TRAT1: variants seen among roughly 807,000 people sequenced by gnomAD.
The protein encoded by TRAT1 is T-cell receptor-associated transmembrane adapter 1.
A neutral mutation model predicts 20.0 loss-of-function variants in TRAT1; 20 were observed. The ratio of observed to expected loss-of-function variants is 1.00; its 90% CI spans 0.70 to 1.45. TRAT1 has a LOEUF of 1.45. TRAT1 is among the 40% of genes most tolerant of loss of function. TRAT1 has a pLI of 0.00. For missense variants in TRAT1, 237 were observed against 224.1 expected (o/e 1.06, Z -0.37); for synonymous variants, 77 against 74.2 (o/e 1.04, Z -0.20).
At chr3:108,827,329 A>T (rs1325256531) in intron 1 of TRAT1, among the ~76,000 whole-genome samples, 1 of 151,988 alleles carries the variant, frequency 6.6e-6, no homozygotes, top group Non-Finnish European at 1.5e-5. Context: ...ATATGGAGAT[A>T]TTTATACTGC....
At chr3:108,826,786 T>C (rs1992862) in intron 1 of TRAT1, among the ~76,000 whole-genome samples, 2 of 152,216 alleles carry the variant, frequency 1.3e-5, no homozygotes, top group African/African-American at 2.4e-5. Context: ...TATAAACTCA[T>C]ACACTTGTCT....
At chr3:108,837,968 G>A (rs1945854387) in intron 2 of TRAT1, among the ~76,000 whole-genome samples, 1 of 152,056 alleles carries the variant, frequency 6.6e-6, no homozygotes, top group South Asian at 2.1e-4. Context: ...ATTTGACCTA[G>A]AAGTAAAAAT....
At chr3:108,825,719 A>T (rs189287141) in intron 1 of TRAT1, among the ~76,000 whole-genome samples, 20 of 152,272 alleles carry the variant, frequency 1.3e-4, no homozygotes, top group Admixed American at 1.2e-3. Flanking sequence ...ATTATTCGGC[A>T]CTTTCCCAGA....
chr3:108,826,762 A>T (rs1447705), intron 1 of TRAT1, among the ~76,000 whole-genome samples: 4,245 of 152,278 alleles, frequency 0.028, 194 homozygotes, highest in African/African-American at 0.096. Flanking sequence ...GAGAAGCTAT[A>T]TGCTGTAATA....
At chr3:108,847,635 T>C (rs1481448980) in intron 4 of TRAT1, among the ~76,000 whole-genome samples, 2 of 152,252 alleles carry the variant, frequency 1.3e-5, no homozygotes, top group Admixed American at 6.5e-5. Context: ...ATATTTATTT[T>C]GTTCTTATGT....
At chr3:108,834,289 A>G (rs995555553) in intron 2 of TRAT1, among the ~76,000 whole-genome samples, 2 of 152,144 alleles carry the variant, frequency 1.3e-5, no homozygotes, top group Non-Finnish European at 2.9e-5. Context: ...CTTGCATTTT[A>G]TTGGTGTGCA....
At chr3:108,846,127 G>A (rs1463665910) in intron 3 of TRAT1, among the ~76,000 whole-genome samples, 4 of 152,172 alleles carry the variant, frequency 2.6e-5, no homozygotes, top group Non-Finnish European at 4.4e-5. Flanking sequence ...TGTGGACTGA[G>A]CACGGGGCTT....
rs918071398 is a variant in TRAT1, at chr3:108,854,935, G to A, written c.*1058G>A. The A allele has an allele frequency of 2.6e-5, 4 of 151,862 alleles. No individual in the cohort carries two copies. The highest frequency in any genetic ancestry group is 1.9e-4 in the East Asian group (1 of 5,194). 9.4% of individuals were successfully genotyped at this position (151,862 alleles called of 1,614,324 possible). On this transcript the variant is annotated 3_prime_UTR_variant, in exon 6 of 6. Coordinates refer to ENST00000295756, the MANE Select transcript of TRAT1 (RefSeq NM_016388.4). ...GTCTCTGTCCTTAAGTGTGATACAC[G>A]CTATTTTTCTGATTGTTAAGACTTT...
At chr3:108,841,927 G>A (rs570896664) in intron 3 of TRAT1, among the ~76,000 whole-genome samples, 62 of 152,290 alleles carry the variant, frequency 4.1e-4, no homozygotes, top group African/African-American at 1.4e-3. Context: ...TAGTGGATTC[G>A]TAGTCTTGGG....
At position 108,847,134 on chromosome 3, in the gene TRAT1, G is replaced by A; in HGVS notation, c.214+5G>A. ...ACTTAGATGATATGATTTCAGGTAA[G>A]TTTTCCATAAGTTAAATTTATAAAT... On this transcript the variant is annotated splice_donor_5th_base_variant and intron_variant, in intron 4 of 5. Transcript: ENST00000295756. 5.3e-6 allele frequency: 8 copies of A among 1,506,570 alleles called. No individual in the cohort carries two copies. The highest frequency in any genetic ancestry group is 7.3e-6 in the Non-Finnish European group (8 of 1,097,296). The allele number at this position is 1,506,570 out of a possible 1,614,324, so 93.3% of individuals were successfully genotyped here.
intron 3 of TRAT1, among the ~76,000 whole-genome samples, chr3:108,841,515 G>A (rs1190347338): frequency 6.6e-6 from 1 of 152,014 alleles, no homozygotes; most frequent in Non-Finnish European, 1.5e-5. Context: ...GGTGGGGCTT[G>A]CGTTACTGAT....
intron 1 of TRAT1, among the ~76,000 whole-genome samples, chr3:108,829,519 G>A (rs1289143674): frequency 6.6e-6 from 1 of 151,718 alleles, no homozygotes; most frequent in Non-Finnish European, 1.5e-5. Context: ...GGGAGGTGGA[G>A]GTTGTAGTGA....
chr3:108,847,169 C>A, intron 4 of TRAT1, 40 bp downstream of exon 4: 1 of 1,263,800 alleles, frequency 7.9e-7, no homozygotes, highest in Middle Eastern at 1.9e-4. Flanking sequence ...TAAGTAAATC[C>A]CAGTTGGTTT....
At chr3:108,836,086 AT>A (rs1380594427) in intron 2 of TRAT1, among the ~76,000 whole-genome samples, 1 of 151,716 alleles carries the variant, frequency 6.6e-6, no homozygotes, top group South Asian at 2.1e-4. Flanking sequence ...TGCCCAGCTA[AT>A]TTTTTGTATT....
Position 108,850,863 on chromosome 3 carries a change from T to C in TRAT1, c.303+1609T>C, listed in dbSNP as rs757927423. 5.3e-4 allele frequency among the ~76,000 whole-genome samples: 81 copies of C among 152,338 alleles called. 1 individual carries two copies. Among genetic ancestry groups the C allele is most frequent in the African/African-American group, 1.8e-3 (76 of 41,584 alleles). On this transcript the variant is annotated intron_variant, in intron 5 of 5. Coordinates refer to ENST00000295756, the MANE Select transcript of TRAT1 (RefSeq NM_016388.4). ...ACTGAGAATTCTGAATAGAAGTTACTATTTAATACACATGACTTGTACAGG... is the reference window on the plus strand; with the variant it reads ...ACTGAGAATTCTGAATAGAAGTTACCATTTAATACACATGACTTGTACAGG...
Position 108,847,061 on chromosome 3 carries a change from G to C in TRAT1, c.153-7G>C, listed in dbSNP as rs1414929841. ...CTAATAAGGTAAATTATTTTTCCTT[G>C]TTATAGGGTTGATGAGTATTATATT... On this transcript the variant is annotated splice_region_variant and splice_polypyrimidine_tract_variant and intron_variant, in intron 3 of 5. Coordinates refer to ENST00000295756, the MANE Select transcript of TRAT1 (RefSeq NM_016388.4). 6.8e-7 allele frequency: 1 copy of C among 1,466,336 alleles called. No homozygotes were observed. The highest frequency in any genetic ancestry group is 1.4e-5 in the African/African-American group (1 of 71,354). The allele number at this position is 1,466,336 out of a possible 1,614,324, so 90.8% of individuals were successfully genotyped here.
intron 3 of TRAT1, among the ~76,000 whole-genome samples, chr3:108,839,681 A>T (rs1164872466): frequency 6.6e-6 from 1 of 151,890 alleles, no homozygotes; most frequent in African/African-American, 2.4e-5. Context: ...ATACACATAG[A>T]TATACACAAG....
At chr3:108,829,586 A>ACACACACACACACACACAC (rs1553726419) in intron 1 of TRAT1, among the ~76,000 whole-genome samples, 1 of 142,474 alleles carries the variant, frequency 7.0e-6, no homozygotes, top group Non-Finnish European at 1.5e-5. Context: ...TCCATCTCAA[A>ACACACACACACACACACAC]ACACACACAC....
chr3:108,825,680 C>T (rs1177063032), intron 1 of TRAT1, among the ~76,000 whole-genome samples: 1 of 152,070 alleles, frequency 6.6e-6, no homozygotes, highest in Admixed American at 6.6e-5. Flanking sequence ...AAATAAATGT[C>T]CCCAAGTTGC....
Sources: allele counts gnomAD v4.1 joint callset (sites outside exome capture counted in the v4.1 genomes callset), GRCh38; gene constraint gnomAD v4.1.1; transcripts MANE v1.5; gene names NCBI Gene and HGNC (gene_info 2026-07-23, HGNC 2026-07-21).